MORC1: variants seen among roughly 807,000 people sequenced by gnomAD.
MORC1 encodes the protein MORC family CW-type zinc finger protein 1.
In MORC1, 59 loss-of-function variants were observed where a neutral mutation model predicts 134.9. The observed-to-expected ratio is 0.44, with a 90% confidence interval of 0.35 to 0.54. The LOEUF (loss-of-function observed/expected upper bound fraction) is 0.54, where lower values mean the gene tolerates loss of function less well. Ranked by LOEUF, MORC1 falls within the 20% of genes least tolerant of loss-of-function variation. The probability of loss-of-function intolerance (pLI) is 0.00; values close to 1 mark genes in which losing one functional copy is unlikely to be tolerated. For synonymous variants in MORC1, 395 were observed against 391.7 expected, an observed-to-expected ratio of 1.01 and a Z score of -0.10; for missense variants, 947 against 1,134.5, an observed-to-expected ratio of 0.83 and a Z score of 2.37.
chr3:109,040,403 A>AAAGAAAGAGAAGGAAGGAAGGAAGGAAG (rs1553753628), intron 14 of MORC1, among the ~76,000 whole-genome samples: 1 of 13,566 alleles, frequency 7.4e-5, no homozygotes, highest in African/African-American at 1.7e-4. Flanking sequence ...AGAAAGAAAG[A>AAAGAAAGAGAAGGAAGGAAGGAAGGAAG]GAAGGAAGGA....
intron 21 of MORC1, among the ~76,000 whole-genome samples, chr3:108,992,182 T>C (rs1948082091): frequency 6.6e-6 from 1 of 152,184 alleles, no homozygotes; most frequent in South Asian, 2.1e-4. Flanking sequence ...AATTTTAGTA[T>C]TTCTTAACAA....
chr3:109,080,773 A>G (rs1189317942), intron 8 of MORC1, among the ~76,000 whole-genome samples: 1 of 152,176 alleles, frequency 6.6e-6, no homozygotes, highest in Non-Finnish European at 1.5e-5. Context: ...AGAACAGTGA[A>G]AGAAAGGCTT....
intron 3 of MORC1, among the ~76,000 whole-genome samples, chr3:109,105,573 G>A (rs1182128084): frequency 6.6e-6 from 1 of 151,768 alleles, no homozygotes; most frequent in Admixed American, 6.6e-5. Flanking sequence ...TGGCCACTTG[G>A]GAGGCTGGAA....
Position 109,103,928 on chromosome 3 carries a change from A to C in MORC1, c.155-11T>G, listed in dbSNP as rs1276972654. ...GTTTTTCATTATCCACTGTAAGAGA[A>C]AGCAGTTATTACTAATAAATATCGG... is the stretch of plus-strand genomic sequence containing the variant. On this transcript the variant is annotated splice_polypyrimidine_tract_variant and intron_variant, in intron 3 of 27. Coordinates refer to ENST00000232603, the MANE Select transcript of MORC1 (RefSeq NM_014429.4). The C allele has an allele frequency of 5.6e-6, 9 of 1,610,626 alleles. No individual in the cohort carries two copies. Among genetic ancestry groups the C allele is most frequent in the African/African-American group, 2.7e-5 (2 of 74,838 alleles).
At chr3:109,000,452 G>T (rs1389900711) in intron 21 of MORC1, 105 bp downstream of exon 21, 1 of 850,594 alleles carries the variant, frequency 1.2e-6, no homozygotes, top group Non-Finnish European at 1.7e-6. Flanking sequence ...TCAAAACTAG[G>T]TTTTCCAACT....
At chr3:108,988,439 A>C (rs1473649213) in intron 21 of MORC1, among the ~76,000 whole-genome samples, 1 of 152,196 alleles carries the variant, frequency 6.6e-6, no homozygotes, top group Non-Finnish European at 1.5e-5. Context: ...CTTGAAAGTG[A>C]CCTTAAAGTG....
At chr3:108,959,506 T>A (rs1325892736) in intron 27 of MORC1, among the ~76,000 whole-genome samples, 1 of 152,168 alleles carries the variant, frequency 6.6e-6, no homozygotes, top group African/African-American at 2.4e-5. Flanking sequence ...CCAAATTTTG[T>A]CTTCTTTGTT....
intron 8 of MORC1, among the ~76,000 whole-genome samples, chr3:109,087,537 C>T (rs979469713): frequency 3.3e-5 from 5 of 151,980 alleles, no homozygotes; most frequent in African/African-American, 1.2e-4. Context: ...AAGATTTCCA[C>T]AAGGAGAATT....
intron 8 of MORC1, among the ~76,000 whole-genome samples, chr3:109,070,387 C>T (rs906213318): frequency 1.2e-4 from 19 of 152,062 alleles, no homozygotes; most frequent in African/African-American, 4.6e-4. Flanking sequence ...CATAAATAGC[C>T]TATGAAGAAA....
In MORC1 at chr3:109,042,959, A is replaced by C. The variant is rs545796290; in HGVS notation, c.1331-7491T>G. Among the ~76,000 whole-genome samples, 296 of 152,224 alleles carry C rather than the reference A, an allele frequency of 1.9e-3. 3 individuals are homozygous for C. Among genetic ancestry groups the C allele is most frequent in the African/African-American group, 6.8e-3 (284 of 41,534 alleles). Reference sequence around the variant, plus strand: ...GGGAGATGTTGGTAAAAGGATACACAATTTTAGTTAGGCAGGATAAATAAG... The same window carrying C: ...GGGAGATGTTGGTAAAAGGATACACCATTTTAGTTAGGCAGGATAAATAAG... On this transcript the variant is annotated intron_variant, in intron 14 of 27. Coordinates refer to ENST00000232603, the MANE Select transcript of MORC1 (RefSeq NM_014429.4).
At chr3:109,004,115 A>G (rs1464419479) in intron 20 of MORC1, among the ~76,000 whole-genome samples, 2 of 152,152 alleles carry the variant, frequency 1.3e-5, no homozygotes, top group African/African-American at 4.8e-5. Flanking sequence ...CCTTTTGAAA[A>G]GACCATGCAT....
At chr3:108,986,816 A>G (rs1313209368) in intron 22 of MORC1, 64 bp downstream of exon 22, 14 of 1,120,368 alleles carry the variant, frequency 1.2e-5, no homozygotes, top group Non-Finnish European at 1.8e-5. Context: ...CTGTCAAGCC[A>G]TATTGAAAAT....
chr3:108,963,739 A>C (rs551903649), intron 26 of MORC1, 131 bp from the exon 27 acceptor site: 1 of 616,088 alleles, frequency 1.6e-6, no homozygotes, highest in East Asian at 3.0e-5. Context: ...GTCTAAATTT[A>C]GGAAATATTG....
chr3:109,083,786 T>C (rs1382755979), intron 8 of MORC1, among the ~76,000 whole-genome samples: 1 of 152,054 alleles, frequency 6.6e-6, no homozygotes, highest in Non-Finnish European at 1.5e-5. Context: ...ATCGAATTCA[T>C]CAACACATTA....
At chr3:108,966,887 T>C (rs1947234941) in intron 26 of MORC1, among the ~76,000 whole-genome samples, 1 of 152,094 alleles carries the variant, frequency 6.6e-6, no homozygotes, top group South Asian at 2.1e-4. Flanking sequence ...GAGGAAAGAA[T>C]AAAAGATAAT....
At chr3:109,038,430 T>G (rs1351335627) in intron 14 of MORC1, among the ~76,000 whole-genome samples, 1 of 152,168 alleles carries the variant, frequency 6.6e-6, no homozygotes, top group East Asian at 1.9e-4. Flanking sequence ...GTGCTGAAGC[T>G]CTTCAGTTTA....
chr3:109,052,426 C>A (rs563238445), intron 14 of MORC1, among the ~76,000 whole-genome samples: 5 of 152,080 alleles, frequency 3.3e-5, no homozygotes, highest in Non-Finnish European at 7.4e-5. Flanking sequence ...TCAGGTGGGG[C>A]CTGGGATTCT....
intron 14 of MORC1, 152 bp downstream of exon 14, chr3:109,054,576 G>T (rs1949912589): frequency 3.3e-6 from 2 of 608,084 alleles, no homozygotes; most frequent in Admixed American, 3.6e-5. Flanking sequence ...TCTGAAATGG[G>T]CTCCCTTCTC....
chr3:109,088,040 G>A (rs923410858), intron 8 of MORC1, among the ~76,000 whole-genome samples: 6 of 151,880 alleles, frequency 4.0e-5, no homozygotes, highest in Non-Finnish European at 8.8e-5. Flanking sequence ...AGATTGAAGC[G>A]GGACCCCTTC....
Sources: allele counts gnomAD v4.1 joint callset (sites outside exome capture counted in the v4.1 genomes callset), GRCh38; gene constraint gnomAD v4.1.1; transcripts MANE v1.5; gene names NCBI Gene and HGNC (gene_info 2026-07-23, HGNC 2026-07-21).